ZNF714: variants seen among roughly 807,000 people sequenced by gnomAD.
ZNF714 encodes zinc finger protein 714.
ZNF714 carries 32 observed loss-of-function variants against 46.2 expected under a neutral mutation model. The observed-to-expected ratio is 0.69, with a 90% CI of 0.52 to 0.93. The LOEUF (loss-of-function observed/expected upper bound fraction) is 0.93, where lower values mean the gene tolerates loss of function less well. Among genes scored for constraint, ZNF714 ranks in the 40% least tolerant of loss-of-function variants. ZNF714 has a pLI of 0.00. For missense variants in ZNF714, 635 were observed against 646.3 expected (o/e 0.98, Z 0.19); for synonymous variants, 199 against 213.1 (o/e 0.93, Z 0.58).
At chr19:21,101,403 C>T (rs1208515204) in intron 4 of ZNF714, among the ~76,000 whole-genome samples, 1 of 152,060 alleles carries the variant, frequency 6.6e-6, no homozygotes, top group Non-Finnish European at 1.5e-5. Context: ...TTACCAAGGG[C>T]TTGGGTAATC....
rs1344849835 is a variant in ZNF714, at chr19:21,082,235, CCTTCA to C, written c.-287_-283del. 8.5e-7 allele frequency: 1 copy of C among 1,172,222 alleles called. No homozygotes were observed. The highest frequency in any genetic ancestry group is 1.2e-6 in the Non-Finnish European group (1 of 840,354). 72.6% of individuals were successfully genotyped at this position (1,172,222 alleles called of 1,614,324 possible). A position where few individuals can be genotyped will look rare whatever the true frequency, so the allele number is the denominator to read the frequency against. On this transcript the variant is annotated 5_prime_UTR_variant, in exon 1 of 5. Transcript: ENST00000456283. ...GCTGCAGCTGGAGCTGCAGGTCTCG[CCTTCA>C]CTGCCCTGTGTCCTCTGCTCGCAGA...
intron 2 of ZNF714, among the ~76,000 whole-genome samples, chr19:21,093,171 T>C (rs1395157299): frequency 2.6e-5 from 4 of 152,020 alleles, no homozygotes; most frequent in Non-Finnish European, 5.9e-5. Flanking sequence ...CCCAAAGTGC[T>C]GGGATTACAG....
intron 2 of ZNF714, among the ~76,000 whole-genome samples, chr19:21,086,401 G>C (rs377412361): frequency 6.6e-5 from 10 of 152,244 alleles, no homozygotes; most frequent in African/African-American, 2.2e-4. Context: ...AGCACCGAGG[G>C]CTGCTGGTTG....
At chr19:21,100,411 A>AG (rs1483965978) in intron 4 of ZNF714, among the ~76,000 whole-genome samples, 5 of 151,886 alleles carry the variant, frequency 3.3e-5, no homozygotes, top group African/African-American at 4.8e-5. Context: ...ACATGCCTGT[A>AG]ATCCCAGCTA....
rs944014652 is a variant in ZNF714 at position 21,124,372 on chromosome 19, C to T, written c.*6040C>T. ...GAACATGCTGTTAAATATCAGAGTT[C>T]CTATGATTATGACTAAAAAATTAAA... is the stretch of plus-strand genomic sequence containing the variant. On this transcript the variant is annotated 3_prime_UTR_variant, in exon 5 of 5. Transcript: ENST00000456283. 1.3e-5 allele frequency among the ~76,000 whole-genome samples: 2 copies of T among 152,022 alleles called. No homozygotes were observed. Among genetic ancestry groups the T allele is most frequent in the African/African-American group, 4.8e-5 (2 of 41,414 alleles).
At chr19:21,083,666 TA>T (rs1440119301) in intron 1 of ZNF714, among the ~76,000 whole-genome samples, 2 of 152,152 alleles carry the variant, frequency 1.3e-5, no homozygotes, top group Non-Finnish European at 2.9e-5. Flanking sequence ...TGACGCTTTT[TA>T]AAAGGTTTGT....
intron 3 of ZNF714, 145 bp from the exon 4 acceptor site, chr19:21,098,667 C>A: frequency 1.8e-6 from 1 of 552,964 alleles, no homozygotes. Context: ...AAAATATTTT[C>A]TAAATAGTTA....
rs192473648 is a variant in ZNF714 at position 21,093,910 on chromosome 19, A to G, written c.-84-4275A>G. On this transcript the variant is annotated intron_variant, in intron 2 of 4. Coordinates refer to ENST00000456283, the MANE Select transcript of ZNF714 (RefSeq NM_182515.4). ...CGGCCTCCCAAAGTGCCGGGATTAC[A>G]AGTGTGAACCACCTCACCTGACCAT... is the stretch of plus-strand genomic sequence containing the variant. 2.8e-4 allele frequency among the ~76,000 whole-genome samples: 43 copies of G among 151,590 alleles called. 1 individual carries two copies. Among genetic ancestry groups the G allele is most frequent in the African/African-American group, 9.2e-4 (38 of 41,334 alleles).
At chr19:21,113,181 C>T (rs910655364) in intron 4 of ZNF714, 1 of 152,192 alleles carries the variant, frequency 6.6e-6, no homozygotes, top group African/African-American at 2.4e-5. Context: ...CCCAGCAAGG[C>T]CCGACCCTGC....
intron 2 of ZNF714, among the ~76,000 whole-genome samples, chr19:21,090,238 G>A (rs1334876014): frequency 6.6e-6 from 1 of 152,212 alleles, no homozygotes; most frequent in African/African-American, 2.4e-5. Flanking sequence ...ATTGCCTGTG[G>A]CAGGTTGGGG....
rs1165280284 is a variant in ZNF714, at chr19:21,122,886, G to A, written c.*4554G>A. 1 of 152,082 alleles carries A rather than the reference G, an allele frequency of 6.6e-6. No homozygotes were observed. The highest frequency in any genetic ancestry group is 1.5e-5 in the Non-Finnish European group (1 of 68,004). The allele number at this position is 152,082 out of a possible 1,614,324, so 9.4% of individuals were successfully genotyped here. A position where few individuals can be genotyped will look rare whatever the true frequency, so the allele number is the denominator to read the frequency against. Reference sequence around the variant, plus strand: ...AATTAAGATAAAAGCCAGGTGTGGTGGCTCACGCCTCTAATCCCAGCACTT... The same window carrying A: ...AATTAAGATAAAAGCCAGGTGTGGTAGCTCACGCCTCTAATCCCAGCACTT... On this transcript the variant is annotated 3_prime_UTR_variant, in exon 5 of 5. Transcript: ENST00000456283.
At position 21,118,264 on chromosome 19, in the gene ZNF714, C is replaced by A; in HGVS notation, c.1600C>A (p.Gln534Lys). The change falls in exon 5 of 5, where the codon CAA becomes AAA. Residue 534 changes from glutamine to lysine, a missense_variant. By Grantham distance (53) the Gln-to-Lys change is moderately conservative. Coordinates refer to ENST00000456283, the MANE Select transcript of ZNF714 (RefSeq NM_182515.4). ...ARSGVQDQPG[Q>K]HGKTPSLLKI... The stretch of plus-strand genomic sequence containing the variant: ...GTCAGGAGTTCAAGACCAGCCTGGC[C>A]AACATGGTAAAACCCCATCTCTACT... 1 of 1,422,688 alleles carries A rather than the reference C, an allele frequency of 7.0e-7. No individual in the cohort carries two copies. Among genetic ancestry groups the A allele is most frequent in the Non-Finnish European group, 9.7e-7 (1 of 1,036,018 alleles). The allele number at this position is 1,422,688 out of a possible 1,614,324, so 88.1% of individuals were successfully genotyped here.
chr19:21,102,149 T>C (rs1186184459), intron 4 of ZNF714, among the ~76,000 whole-genome samples: 3 of 152,208 alleles, frequency 2.0e-5, no homozygotes, highest in East Asian at 3.8e-4. Flanking sequence ...TTTGCTGTGG[T>C]GAGGATAATC....
chr19:21,111,082 G>A (rs1599550340), intron 4 of ZNF714, among the ~76,000 whole-genome samples: 1 of 152,078 alleles, frequency 6.6e-6, no homozygotes. Flanking sequence ...GTCTTTTGGG[G>A]TTTCATATGA....
At chr19:21,105,942 G>A (rs767561830) in intron 4 of ZNF714, among the ~76,000 whole-genome samples, 1 of 151,154 alleles carries the variant, frequency 6.6e-6, no homozygotes, top group Non-Finnish European at 1.5e-5. Context: ...GTGACAGAAT[G>A]AGACTCCATC....
chr19:21,093,149 C>T (rs946598581), intron 2 of ZNF714, among the ~76,000 whole-genome samples: 1 of 152,100 alleles, frequency 6.6e-6, no homozygotes, highest in Non-Finnish European at 1.5e-5. Context: ...TGTGATCCAC[C>T]TGCCTCGGCC....
intron 4 of ZNF714, among the ~76,000 whole-genome samples, chr19:21,105,186 G>T (rs1428854244): frequency 1.3e-5 from 2 of 151,780 alleles, no homozygotes; most frequent in African/African-American, 4.8e-5. Flanking sequence ...CTACCACCAT[G>T]CCTGGCTGAC....
rs1216373471 is a variant in ZNF714, at chr19:21,116,806, GCTATGTGT to G, written c.143_150del (p.Ala48ValfsTer29). On this transcript the variant is annotated frameshift_variant and splice_region_variant, in exon 5 of 5. Coordinates refer to ENST00000456283, the MANE Select transcript of ZNF714 (RefSeq NM_182515.4). LOFTEE classifies it high-confidence loss of function. ...TAATTTGTTGTTTGTATTTCTTTCA[GCTATGTGT>G]TCTTCTTTTACCAGAGACCTTTGGC... is the stretch of plus-strand genomic sequence containing the variant. 6.3e-7 allele frequency: 1 copy of G among 1,581,664 alleles called. No individual in the cohort carries two copies. Among genetic ancestry groups the G allele is most frequent in the African/African-American group, 1.4e-5 (1 of 72,928 alleles).
At chr19:21,088,950 C>T (rs937065738) in intron 2 of ZNF714, among the ~76,000 whole-genome samples, 1 of 152,138 alleles carries the variant, frequency 6.6e-6, no homozygotes, top group African/African-American at 2.4e-5. Context: ...GACATGGGGA[C>T]ACCTCCATAC....
Sources: gnomAD v4.1 joint callset for allele counts (sites outside exome capture counted in the v4.1 genomes callset) on GRCh38, gnomAD v4.1.1 for gene constraint, MANE v1.5 for transcripts, NCBI Gene and HGNC (gene_info 2026-07-23, HGNC 2026-07-21) for gene names.